FANCL: variants seen among roughly 807,000 people sequenced by gnomAD.
FANCL encodes E3 ubiquitin-protein ligase FANCL.
A neutral mutation model predicts 59.4 loss-of-function variants in FANCL; 69 were observed. The observed-to-expected ratio is 1.16, with a 90% CI of 0.96 to 1.42. FANCL has a LOEUF of 1.42. Ranked by LOEUF, FANCL falls within the 40% of genes most tolerant of loss-of-function variation. The pLI is 0.00. For synonymous variants in FANCL, 180 were observed against 147.1 expected (o/e 1.22, Z -1.62); for missense variants, 519 against 447.2 (o/e 1.16, Z -1.45).
chr2:58,179,321 T>G (rs918265485), intron 7 of FANCL, among the ~76,000 whole-genome samples: 1 of 152,156 alleles, frequency 6.6e-6, no homozygotes, highest in African/African-American at 2.4e-5. Context: ...TCATGCTACC[T>G]GACTTCAAAC....
Position 58,175,129 on chromosome 2 carries a change from G to C in FANCL, c.541-9255C>G, listed in dbSNP as rs539558275. ...TAGACCAATAACAGGCTCTGAAATT[G>C]TGGCGAAAATCAATAGCTTACCAAC... On this transcript the variant is annotated intron_variant, in intron 7 of 13. Coordinates refer to ENST00000233741, the MANE Select transcript of FANCL (RefSeq NM_018062.4). Among the ~76,000 whole-genome samples, 327 of 147,540 alleles carry C rather than the reference G, an allele frequency of 2.2e-3. 1 individual carries two copies. Among genetic ancestry groups the C allele is most frequent in the Non-Finnish European group, 4.0e-3 (271 of 67,122 alleles).
chr2:58,171,121 T>C (rs371185001), intron 7 of FANCL, among the ~76,000 whole-genome samples: 15 of 152,084 alleles, frequency 9.9e-5, no homozygotes, highest in Admixed American at 9.2e-4. Flanking sequence ...ATCACAAAAT[T>C]TGAAGTAAAA....
intron 7 of FANCL, among the ~76,000 whole-genome samples, chr2:58,193,275 C>A (rs1019817457): frequency 1.3e-5 from 2 of 151,998 alleles, no homozygotes; most frequent in African/African-American, 4.8e-5. Flanking sequence ...AAGTGACAAG[C>A]ATAGTTTCAA....
rs1357217257 is a variant in FANCL at position 58,226,843 on chromosome 2, A to G, written c.217-59T>C. ...CACAATAAATATTCTATCCACTAAAACTGTAAAAAAATGTAGGCCCAAGTG... is the reference window on the plus strand; with the variant it reads ...CACAATAAATATTCTATCCACTAAAGCTGTAAAAAAATGTAGGCCCAAGTG... On this transcript the variant is annotated intron_variant, in intron 3 of 13. Coordinates refer to ENST00000233741, the MANE Select transcript of FANCL (RefSeq NM_018062.4). 15 of 1,440,820 alleles carry G rather than the reference A, an allele frequency of 1.0e-5. No individual in the cohort carries two copies. In the Admixed American group the frequency reaches 2.3e-4, roughly 22 times the overall value. 89.3% of individuals were successfully genotyped at this position (1,440,820 alleles called of 1,614,324 possible). A position where few individuals can be genotyped will look rare whatever the true frequency, so the allele number is the denominator to read the frequency against.
At chr2:58,181,205 C>G (rs933019167) in intron 7 of FANCL, among the ~76,000 whole-genome samples, 7 of 151,996 alleles carry the variant, frequency 4.6e-5, no homozygotes, top group African/African-American at 1.7e-4. Context: ...ATGCAATGGA[C>G]TATTACTCAG....
chr2:58,190,833 A>C (rs1338205417), intron 7 of FANCL, among the ~76,000 whole-genome samples: 1 of 151,898 alleles, frequency 6.6e-6, no homozygotes, highest in Non-Finnish European at 1.5e-5. Context: ...TTCTATATCT[A>C]TCTAATAAAT....
At chr2:58,159,990 TACAG>T in intron 13 of FANCL, 114 bp downstream of exon 13, 1 of 1,544,576 alleles carries the variant, frequency 6.5e-7, no homozygotes, top group Non-Finnish European at 8.7e-7. Flanking sequence ...AAAATAGAAA[TACAG>T]AGAATGAGTT....
chr2:58,208,247 A>G (rs1573716189), intron 5 of FANCL, among the ~76,000 whole-genome samples: 1 of 152,208 alleles, frequency 6.6e-6, no homozygotes, highest in Admixed American at 6.5e-5. Context: ...TAAGATTTGT[A>G]TTTAGAAGGA....
intron 6 of FANCL, among the ~76,000 whole-genome samples, chr2:58,200,969 T>C (rs1299713082): frequency 1.3e-5 from 2 of 151,454 alleles, no homozygotes; most frequent in Non-Finnish European, 3.0e-5. Flanking sequence ...AAAATCAATT[T>C]TGTTTATATA....
At chr2:58,204,837 A>G (rs1690429473) in intron 5 of FANCL, among the ~76,000 whole-genome samples, 1 of 152,126 alleles carries the variant, frequency 6.6e-6, no homozygotes, top group African/African-American at 2.4e-5. Context: ...AAGATGACTA[A>G]TATTCTAAAC....
At chr2:58,186,734 G>A (rs906224078) in intron 7 of FANCL, among the ~76,000 whole-genome samples, 1 of 152,168 alleles carries the variant, frequency 6.6e-6, no homozygotes, top group African/African-American at 2.4e-5. Flanking sequence ...TACAGCATTA[G>A]AAAATCCCTG....
chr2:58,214,771 C>A (rs780185177), intron 5 of FANCL, among the ~76,000 whole-genome samples: 6 of 152,108 alleles, frequency 3.9e-5, no homozygotes, highest in Non-Finnish European at 7.4e-5. Context: ...CCTCAGCCCC[C>A]CAAAGTACTG....
Position 58,222,053 on chromosome 2 carries a change from G to T in FANCL, c.274-11C>A, listed in dbSNP as rs762818038. ...CTTTAAGGCAACTTCCTGTTTAAAA[G>T]AAGAAAACCTGAATTAGCTGTGGAA... On this transcript the variant is annotated splice_polypyrimidine_tract_variant and intron_variant, in intron 4 of 13. Transcript: ENST00000233741. 1 of 1,592,564 alleles carries T rather than the reference G, an allele frequency of 6.3e-7. No individual in the cohort carries two copies. The highest frequency in any genetic ancestry group is 2.2e-5 in the East Asian group (1 of 44,642).
At chr2:58,208,503 G>C (rs1385572347) in intron 5 of FANCL, among the ~76,000 whole-genome samples, 3 of 152,144 alleles carry the variant, frequency 2.0e-5, no homozygotes, top group African/African-American at 7.2e-5. Flanking sequence ...AAACAAAGTA[G>C]AAGAAATGTG....
chr2:58,206,652 T>C (rs991659614), intron 5 of FANCL, among the ~76,000 whole-genome samples: 1 of 152,138 alleles, frequency 6.6e-6, no homozygotes, highest in Non-Finnish European at 1.5e-5. Flanking sequence ...CATAAAATTA[T>C]CATCATCCCA....
intron 7 of FANCL, among the ~76,000 whole-genome samples, chr2:58,168,508 A>C (rs191339144): frequency 2.7e-4 from 41 of 152,220 alleles, no homozygotes; most frequent in African/African-American, 9.6e-4. Context: ...TTTCAAGCAC[A>C]AAACTGGGTG....
chr2:58,213,317 G>T (rs1037884240), intron 5 of FANCL, among the ~76,000 whole-genome samples: 1 of 152,204 alleles, frequency 6.6e-6, no homozygotes, highest in Non-Finnish European at 1.5e-5. Context: ...GCACAGTTCA[G>T]GTCTCAGCTT....
chr2:58,211,197 A>T (rs1426228234), intron 5 of FANCL, among the ~76,000 whole-genome samples: 1 of 152,178 alleles, frequency 6.6e-6, no homozygotes, highest in Non-Finnish European at 1.5e-5. Flanking sequence ...ACATCTTCTG[A>T]AATCTAGGCG....
intron 7 of FANCL, among the ~76,000 whole-genome samples, 190 bp downstream of exon 7, chr2:58,198,404 A>ATT (rs1689654599): frequency 6.6e-6 from 1 of 152,148 alleles, no homozygotes; most frequent in East Asian, 1.9e-4. Flanking sequence ...TAATCTAGAG[A>ATT]TAACTTAAAG....
Sources: gnomAD v4.1 joint callset for allele counts (sites outside exome capture counted in the v4.1 genomes callset) on GRCh38, gnomAD v4.1.1 for gene constraint, MANE v1.5 for transcripts, NCBI Gene and HGNC (gene_info 2026-07-23, HGNC 2026-07-21) for gene names.